STAB2: variants seen among roughly 807,000 people sequenced by gnomAD.
STAB2 encodes the protein stabilin 2.
STAB2 carries 288 observed loss-of-function variants against 338.1 expected under a neutral mutation model. The observed-to-expected ratio is 0.85, with a 90% CI of 0.77 to 0.94. STAB2 has a LOEUF of 0.94. STAB2 is among the 40% of genes least tolerant of loss of function. The pLI is 0.00. For missense variants in STAB2, 3,141 were observed against 3,210.1 expected (o/e 0.98, Z 0.52); for synonymous variants, 1,202 against 1,193.3 (o/e 1.01, Z -0.15).
chr12:103,643,423 C>A (rs1466228004), intron 9 of STAB2, among the ~76,000 whole-genome samples: 3 of 152,198 alleles, frequency 2.0e-5, no homozygotes, highest in South Asian at 2.1e-4. Context: ...GCTCCACCCA[C>A]CTCCTGTGAG....
intron 8 of STAB2, among the ~76,000 whole-genome samples, chr12:103,639,509 C>T (rs1957603968): frequency 6.6e-6 from 1 of 152,040 alleles, no homozygotes; most frequent in African/African-American, 2.4e-5. Context: ...TCAAGACCAA[C>T]CTGGGCAACA....
intron 1 of STAB2, among the ~76,000 whole-genome samples, chr12:103,590,652 T>C (rs1160816118): frequency 6.6e-6 from 1 of 152,216 alleles, no homozygotes; most frequent in Non-Finnish European, 1.5e-5. Flanking sequence ...GTATGGCAAA[T>C]GTATGGTACA....
In STAB2 at chr12:103,726,162, A is replaced by C; in HGVS notation, c.4850A>C (p.Gln1617Pro). The stretch of plus-strand genomic sequence containing the variant: ...ACTTCCCAGTATTTCTTCCAGTTGC[A>C]GGTAGGAAATATACATGTCTGTCTA... The part of the protein sequence containing the change: ...PKTSQYFFQL[Q>P]EHFVKDLVGP... The change falls in exon 46 of 69, where the codon CAG (glutamine) becomes CCG (proline). Residue 1617 changes from glutamine to proline, a missense_variant and splice_region_variant. Physicochemically the swap from Gln to Pro is moderately conservative, Grantham distance 76. Coordinates refer to ENST00000388887, the MANE Select transcript of STAB2 (RefSeq NM_017564.10). 1.9e-6 allele frequency: 3 copies of C among 1,613,812 alleles called. No individual in the cohort carries two copies. Among genetic ancestry groups the C allele is most frequent in the South Asian group, 2.2e-5 (2 of 91,082 alleles).
chr12:103,660,857 A>G (rs756364155), intron 17 of STAB2, 94 bp downstream of exon 17: 31 of 1,316,924 alleles, frequency 2.4e-5, no homozygotes, highest in Non-Finnish European at 3.1e-5. Flanking sequence ...ATGCTAACTC[A>G]TGGGCTTAAA....
intron 31 of STAB2, 115 bp from the exon 32 acceptor site, chr12:103,695,435 A>G: frequency 2.3e-6 from 2 of 859,578 alleles, no homozygotes; most frequent in Non-Finnish European, 3.7e-6. Context: ...AAGGTTGTCA[A>G]TGTCAATCCA....
intron 23 of STAB2, among the ~76,000 whole-genome samples, chr12:103,674,914 G>T (rs866586407): frequency 1.3e-5 from 2 of 152,204 alleles, no homozygotes; most frequent in South Asian, 4.1e-4. Context: ...TTCCTAAGGA[G>T]TTAGGATCTA....
chr12:103,660,204 C>T, intron 15 of STAB2, 127 bp from the exon 16 acceptor site: 2 of 992,218 alleles, frequency 2.0e-6, no homozygotes, highest in South Asian at 2.7e-5. Flanking sequence ...GTTTCTCTCA[C>T]CCTGGATTTC....
intron 50 of STAB2, 54 bp downstream of exon 50, chr12:103,731,689 TTTTG>T (rs1425836496): frequency 1.1e-5 from 17 of 1,540,746 alleles, no homozygotes; most frequent in Non-Finnish European, 1.5e-5. Context: ...AGAAGTTTTG[TTTTG>T]TTTGTTTTGT....
rs745824794 is a variant in STAB2, at chr12:103,594,393, A to C, written c.216-2A>C. The C allele has an allele frequency of 1.2e-6, 2 of 1,612,858 alleles. No individual in the cohort carries two copies. The highest frequency in any genetic ancestry group is 1.7e-6 in the Non-Finnish European group (2 of 1,178,954). ...GTTAATGTCCTCTCTTTACCCTCCA[A>C]GGTACACCTTTGAGGTCAGAACATA... On this transcript the variant is annotated splice_acceptor_variant, in intron 2 of 68. Coordinates refer to ENST00000388887, the MANE Select transcript of STAB2 (RefSeq NM_017564.10). LOFTEE classifies it high-confidence loss of function.
In STAB2 at chr12:103,735,699, A is replaced by AT. The variant is rs35136231; in HGVS notation, c.5550+127dup. ...TTTCCCCTCCATTCATAGCGGGCTC[A>AT]TTTTTTTTCTCACTACCTTCAGAGG... is the stretch of plus-strand genomic sequence containing the variant. On this transcript the variant is annotated intron_variant, in intron 52 of 68. Coordinates refer to ENST00000388887, the MANE Select transcript of STAB2 (RefSeq NM_017564.10). 6.8e-3 allele frequency: 5,338 copies of AT among 789,350 alleles called. 40 individuals are homozygous for AT. The highest frequency in any genetic ancestry group is 0.016 in the East Asian group (568 of 34,642). The allele number at this position is 789,350 out of a possible 1,614,324, so 48.9% of individuals were successfully genotyped here. A position where few individuals can be genotyped will look rare whatever the true frequency, so the allele number is the denominator to read the frequency against.
chr12:103,726,808 A>T (rs867346293), intron 46 of STAB2, among the ~76,000 whole-genome samples: 31 of 152,358 alleles, frequency 2.0e-4, no homozygotes, highest in Middle Eastern at 6.8e-3. Context: ...TAAAATCATT[A>T]AAAACTAGAA....
At position 103,696,210 on chromosome 12, in the gene STAB2, T is replaced by TGAAACCACACGGA. The variant is rs552022610; in HGVS notation, c.3582+375_3582+376insCGGAGAAACCACA. ...ATCACTCTGGTTCTAGCCCGAGTGA[T>TGAAACCACACGGA]GAAACCACATGGAGAAACCACATGG... On this transcript the variant is annotated intron_variant, in intron 33 of 68. Transcript: ENST00000388887. Among the ~76,000 whole-genome samples, 256 of 152,228 alleles carry TGAAACCACACGGA rather than the reference T, an allele frequency of 1.7e-3. 1 individual carries two copies. Among genetic ancestry groups the TGAAACCACACGGA allele is most frequent in the African/African-American group, 5.8e-3 (239 of 41,530 alleles).
At chr12:103,659,274 A>G (rs559182906) in intron 15 of STAB2, among the ~76,000 whole-genome samples, 1 of 152,246 alleles carries the variant, frequency 6.6e-6, no homozygotes, top group East Asian at 1.9e-4. Context: ...GTACCAGACA[A>G]GCCAGGATAG....
intron 19 of STAB2, 100 bp downstream of exon 19, chr12:103,666,453 C>A: frequency 8.0e-7 from 1 of 1,255,980 alleles, no homozygotes; most frequent in Non-Finnish European, 1.2e-6. Context: ...ATATTAATTG[C>A]AGCTGGGGTA....
intron 3 of STAB2, among the ~76,000 whole-genome samples, chr12:103,614,100 G>T (rs1292527098): frequency 6.6e-6 from 1 of 152,046 alleles, no homozygotes; most frequent in African/African-American, 2.4e-5. Context: ...TGATCTCTGG[G>T]TTGGTTTCAA....
intron 58 of STAB2, 80 bp from the exon 59 acceptor site, chr12:103,748,883 T>C: frequency 1.4e-6 from 2 of 1,434,722 alleles, no homozygotes; most frequent in Non-Finnish European, 1.9e-6. Flanking sequence ...CCACTAGTGC[T>C]GTGGTGCCCC....
intron 18 of STAB2, 62 bp from the exon 19 acceptor site, chr12:103,666,229 G>T: frequency 6.5e-7 from 1 of 1,534,132 alleles, no homozygotes; most frequent in South Asian, 1.1e-5. Context: ...CCAGCCACAG[G>T]ACCATCGCCA....
intron 3 of STAB2, among the ~76,000 whole-genome samples, chr12:103,614,940 C>T (rs557416128): frequency 6.6e-6 from 1 of 152,282 alleles, no homozygotes; most frequent in African/African-American, 2.4e-5. Flanking sequence ...TGTTAAGTGT[C>T]AGGTTTTGCA....
chr12:103,683,654 GC>G (rs1877134446), intron 26 of STAB2, among the ~76,000 whole-genome samples: 1 of 152,236 alleles, frequency 6.6e-6, no homozygotes, highest in South Asian at 2.1e-4. Context: ...ATTTTTATTT[GC>G]TAAACCTGGC....
Sources: allele counts gnomAD v4.1 joint callset (sites outside exome capture counted in the v4.1 genomes callset), GRCh38; gene constraint gnomAD v4.1.1; transcripts MANE v1.5; gene names NCBI Gene and HGNC (gene_info 2026-07-23, HGNC 2026-07-21).